Variants in GFPT1 observed in about 807,000 individuals in gnomAD.
GFPT1 encodes the protein glutamine--fructose-6-phosphate transaminase 1.
A neutral mutation model predicts 92.0 loss-of-function variants in GFPT1; 40 were observed. The observed-to-expected ratio is 0.43, with a 90% CI of 0.34 to 0.57. The LOEUF is 0.57. Among genes scored for constraint, GFPT1 ranks in the 20% least tolerant of loss-of-function variants. GFPT1 has a pLI of 0.02. For synonymous variants in GFPT1, 269 were observed against 280.6 expected (o/e 0.96, Z 0.41); for missense variants, 448 against 869.1 (o/e 0.52, Z 6.09).
intron 3 of GFPT1, among the ~76,000 whole-genome samples, chr2:69,366,440 C>A (rs1671613297): frequency 6.6e-6 from 1 of 152,168 alleles, no homozygotes; most frequent in Non-Finnish European, 1.5e-5. Context: ...GATTAACCCC[C>A]ACACTCGGTT....
chr2:69,338,044 C>A lies in GFPT1; in HGVS notation c.1336G>T (p.Asp446Tyr). The A allele has an allele frequency of 6.2e-7, 1 of 1,614,132 alleles. No individual in the cohort carries two copies. Among genetic ancestry groups the A allele is most frequent in the Admixed American group, 1.7e-5 (1 of 60,028 alleles). ...FFLSQSGETA[D>Y]TLMGLRYCKE... ...CAGTAACGAAGACCCATCAAAGTAT[C>A]TGCTGTCTCACCTGTGTAAAAAGTA... is the stretch of plus-strand genomic sequence containing the variant. The change falls in exon 15 of 20, where the codon GAT (aspartate) becomes TAT (tyrosine). Residue 446 changes from aspartate (D) to tyrosine (Y), a missense_variant. By Grantham distance (160) the Asp-to-Tyr change is radical. Transcript: ENST00000357308.
intron 1 of GFPT1, among the ~76,000 whole-genome samples, chr2:69,378,202 C>T (rs1671925312): frequency 6.6e-6 from 1 of 152,126 alleles, no homozygotes; most frequent in Non-Finnish European, 1.5e-5. Context: ...GATGGGGTTT[C>T]GCCATGTTGG....
chr2:69,370,242 A>G (rs1671712048), intron 2 of GFPT1, 134 bp from the exon 3 acceptor site: 4 of 682,196 alleles, frequency 5.9e-6, no homozygotes, highest in Non-Finnish European at 1.1e-5. Context: ...TCAATTACCT[A>G]CTGAAAACCT....
intron 9 of GFPT1, among the ~76,000 whole-genome samples, chr2:69,352,120 G>A (rs901853069): frequency 1.3e-5 from 2 of 151,814 alleles, no homozygotes; most frequent in Non-Finnish European, 2.9e-5. Flanking sequence ...AAAATTAGCT[G>A]AGAGTGGTAG....
At chr2:69,354,429 C>A in intron 8 of GFPT1, 60 bp downstream of exon 8, 2 of 1,307,534 alleles carry the variant, frequency 1.5e-6, no homozygotes, top group Non-Finnish European at 2.2e-6. Flanking sequence ...GCCATCTATT[C>A]CAACTTAAGG....
intron 7 of GFPT1, among the ~76,000 whole-genome samples, chr2:69,355,747 C>T: frequency 6.6e-6 from 1 of 152,118 alleles, no homozygotes; most frequent in East Asian, 1.9e-4. Context: ...ATCTCTCTTA[C>T]CATAATATCT....
chr2:69,380,591 A>G (rs1671985679), intron 1 of GFPT1, among the ~76,000 whole-genome samples: 1 of 152,190 alleles, frequency 6.6e-6, no homozygotes. Flanking sequence ...CTATGTCATC[A>G]TCTTTCTTGA....
At chr2:69,357,658 G>A (rs1190089567) in intron 6 of GFPT1, among the ~76,000 whole-genome samples, 1 of 152,220 alleles carries the variant, frequency 6.6e-6, no homozygotes, top group African/African-American at 2.4e-5. Flanking sequence ...GGAAGTAAAG[G>A]ACTTTTAAGT....
Position 69,327,052 on chromosome 2 carries a change from A to G in GFPT1, c.1917T>C (p.Asp639=). The G allele has an allele frequency of 6.2e-7, 1 of 1,614,126 alleles. No individual in the cohort carries two copies. The highest frequency in any genetic ancestry group is 8.5e-7 in the Non-Finnish European group (1 of 1,180,006). The change falls in exon 19 of 20, where the codon GAT becomes GAC. Residue 639 remains aspartate, a synonymous_variant. Coordinates refer to ENST00000357308, the MANE Select transcript of GFPT1 (RefSeq NM_001244710.2). ...TCTTAATGGTCTCAGTATCCTCCTTATCACAAATTACCACAGGCCGCCCCT... is the reference window on the plus strand; with the variant it reads ...TCTTAATGGTCTCAGTATCCTCCTTGTCACAAATTACCACAGGCCGCCCCT... ...ARQGRPVVIC[D]KEDTETIKNT...
At chr2:69,335,169 G>A (rs148858122) in intron 15 of GFPT1, among the ~76,000 whole-genome samples, 326 of 151,994 alleles carry the variant, frequency 2.1e-3, no homozygotes, top group African/African-American at 7.6e-3. Context: ...ACCATGCCCC[G>A]CTAATTTTTG....
rs2104647589 is a variant in GFPT1, at chr2:69,354,301, T to C, written c.697A>G (p.Ile233Val). ...PILYRTARTQ[I>V]GSKFTRWGSQ... ...CCCCACCGTGTGAATTTTGATCCAA[T>C]CTGAGTCCTAGCTAAGGATACACAA... The change falls in exon 9 of 20, where the codon ATT (isoleucine) becomes GTT (valine). Residue 233 changes from isoleucine (I) to valine (V), a missense_variant. Physicochemically the swap from Ile to Val is conservative, Grantham distance 29 (BLOSUM62 3). Transcript: ENST00000357308. 1 of 1,591,864 alleles carries C rather than the reference T, an allele frequency of 6.3e-7. No homozygotes were observed. Among genetic ancestry groups the C allele is most frequent in the East Asian group, 2.2e-5 (1 of 44,728 alleles).
At chr2:69,368,490 G>C (rs1671663911) in intron 3 of GFPT1, among the ~76,000 whole-genome samples, 1 of 152,098 alleles carries the variant, frequency 6.6e-6, no homozygotes, top group Non-Finnish European at 1.5e-5. Context: ...TACTTTGAGA[G>C]GCCGAGGCAG....
intron 15 of GFPT1, among the ~76,000 whole-genome samples, chr2:69,337,035 A>AC (rs1195445691): frequency 6.6e-6 from 1 of 150,668 alleles, no homozygotes; most frequent in Non-Finnish European, 1.5e-5. Context: ...TCATTAAAAA[A>AC]TTTTTTTTAA....
At position 69,381,344 on chromosome 2, in the gene GFPT1, C is replaced by G. The variant is rs79396016; in HGVS notation, c.7+5721G>C. ...AATATAGAGACAAGGTCTCAATATGCTGTCCGGGCTGGTATCAAACTCCAA... is the reference window on the plus strand; with the variant it reads ...AATATAGAGACAAGGTCTCAATATGGTGTCCGGGCTGGTATCAAACTCCAA... On this transcript the variant is annotated intron_variant, in intron 1 of 19. Transcript: ENST00000357308. Among the ~76,000 whole-genome samples, 1,216 of 152,236 alleles carry G rather than the reference C, an allele frequency of 8.0e-3. 28 individuals carry two copies. The highest frequency in any genetic ancestry group is 0.068 in the East Asian group (352 of 5,182).
rs754670249 is a variant in GFPT1 at position 69,322,536 on chromosome 2, C to CA, written c.*3652dup. 17 of 152,068 alleles carry CA rather than the reference C, an allele frequency of 1.1e-4. 2 individuals are homozygous for CA. In the East Asian group the frequency reaches 1.9e-3, roughly 17 times the overall value. The allele number at this position is 152,068 out of a possible 1,614,324, so 9.4% of individuals were successfully genotyped here. A position where few individuals can be genotyped will look rare whatever the true frequency, so the allele number is the denominator to read the frequency against. On this transcript the variant is annotated 3_prime_UTR_variant, in exon 20 of 20. Transcript: ENST00000357308. Reference sequence around the variant, plus strand: ...CAAAACAAACAAACAAACAAAAAAACAAAAAACTCCTTTATTACTCCCATC... The same window carrying CA: ...CAAAACAAACAAACAAACAAAAAAACAAAAAAACTCCTTTATTACTCCCATC...
chr2:69,359,229 T>C (rs886676034), intron 5 of GFPT1, 39 bp downstream of exon 5: 12 of 1,080,788 alleles, frequency 1.1e-5, no homozygotes, highest in African/African-American at 3.1e-5. Flanking sequence ...GTTAGAAGTA[T>C]TCTCAAAGAC....
intron 2 of GFPT1, 148 bp from the exon 3 acceptor site, chr2:69,370,256 G>A: frequency 1.5e-6 from 1 of 659,870 alleles, no homozygotes; most frequent in Non-Finnish European, 2.7e-6. Context: ...AAAACCTATT[G>A]TGTGTCAAGA....
intron 15 of GFPT1, among the ~76,000 whole-genome samples, chr2:69,335,277 G>C (rs1670767994): frequency 6.6e-6 from 1 of 152,092 alleles, no homozygotes; most frequent in Non-Finnish European, 1.5e-5. Context: ...AAAGTGCCAG[G>C]ATAACAGTTG....
chr2:69,336,032 CA>C lies in GFPT1; in HGVS notation c.1482+1865del, dbSNP rs761461338. Among the ~76,000 whole-genome samples the C allele has an allele frequency of 7.2e-3, 590 of 82,048 alleles. 3 individuals are homozygous for C. Among genetic ancestry groups the C allele is most frequent in the Middle Eastern group, 0.012 (2 of 168 alleles). 53.8% of individuals were successfully genotyped at this position (82,048 alleles called of 152,430 possible). Reference sequence around the variant, plus strand: ...TGATAAAGAGGAGAGACCCTGTCTCCAAAAAAAAAAAAAAAGGTGGGGGGCC... The same window carrying C: ...TGATAAAGAGGAGAGACCCTGTCTCCAAAAAAAAAAAAAAGGTGGGGGGCC... On this transcript the variant is annotated intron_variant, in intron 15 of 19. Coordinates refer to ENST00000357308, the MANE Select transcript of GFPT1 (RefSeq NM_001244710.2).
Sources: gnomAD v4.1 joint callset for allele counts (sites outside exome capture counted in the v4.1 genomes callset) on GRCh38, gnomAD v4.1.1 for gene constraint, MANE v1.5 for transcripts, NCBI Gene and HGNC (gene_info 2026-07-23, HGNC 2026-07-21) for gene names.